The following SBK1 variants were observed in gnomAD, a reference collection of about 807,000 sequenced individuals.
SBK1 encodes the protein serine/threonine-protein kinase SBK1.
Under a neutral mutation model 24.4 loss-of-function variants are expected in SBK1, and 11 were observed. The ratio of observed to expected loss-of-function variants is 0.45; its 90% CI spans 0.28 to 0.75. The LOEUF is 0.75. Among genes scored for constraint, SBK1 ranks in the 30% least tolerant of loss-of-function variants. The pLI, the probability that SBK1 is intolerant of heterozygous loss-of-function variation, is 0.12. For missense variants in SBK1, 467 were observed against 620.5 expected, an observed-to-expected ratio of 0.75 and a Z score of 2.63; for synonymous variants, 308 against 284.4, an observed-to-expected ratio of 1.08 and a Z score of -0.83.
chr16:28,307,266 A>C (rs1007431699), intron 1 of SBK1, among the ~76,000 whole-genome samples: 1 of 152,246 alleles, frequency 6.6e-6, no homozygotes, highest in Non-Finnish European at 1.5e-5. Flanking sequence ...CCTATGACAC[A>C]GAGACTTATT....
chr16:28,305,821 A>T (rs961278210), intron 1 of SBK1, among the ~76,000 whole-genome samples: 2 of 152,180 alleles, frequency 1.3e-5, no homozygotes, highest in Non-Finnish European at 2.9e-5. Context: ...GATTACAGGC[A>T]TGAGCTACCG....
intron 1 of SBK1, among the ~76,000 whole-genome samples, chr16:28,304,098 A>C (rs999808978): frequency 6.6e-6 from 1 of 152,222 alleles, no homozygotes; most frequent in African/African-American, 2.4e-5. Context: ...CACATGGCAA[A>C]ATGACTTCTG....
rs573475142 is a variant in SBK1, at chr16:28,293,140, T to TC, written c.-160dup. On this transcript the variant is annotated 5_prime_UTR_variant, in exon 1 of 4. Transcript: ENST00000341901. ...TCTCACCAGCAAGAAGCCTCGGGGATCCCCCCCCTAAAGCTCCAGGACTTG... is the reference window on the plus strand; with the variant it reads ...TCTCACCAGCAAGAAGCCTCGGGGATCCCCCCCCCTAAAGCTCCAGGACTTG... The TC allele has an allele frequency of 1.6e-3, 1,581 of 984,060 alleles. 18 individuals are homozygous for TC. The African/African-American group carries it at 0.023, about 14-fold the overall frequency. The allele number at this position is 984,060 out of a possible 1,614,324, so 61.0% of individuals were successfully genotyped here.
At chr16:28,277,935 T>C (rs1318119185) in intron 1 of SBK1, among the ~76,000 whole-genome samples, 2 of 152,246 alleles carry the variant, frequency 1.3e-5, no homozygotes, top group Non-Finnish European at 2.9e-5. Flanking sequence ...ACAAAGTCTC[T>C]TGTTTAGCCA....
In SBK1 at chr16:28,319,981, G is replaced by A; in HGVS notation, c.430-95G>A. 2 of 1,335,636 alleles carry A rather than the reference G, an allele frequency of 1.5e-6. No homozygotes were observed. The highest frequency in any genetic ancestry group is 2.0e-6 in the Non-Finnish European group (2 of 1,021,068). 82.7% of individuals were successfully genotyped at this position (1,335,636 alleles called of 1,614,324 possible). Reference sequence around the variant, plus strand: ...AGTTACTGGGGACAGGGTGGGAGGCGAAAACCGCCTTGCTAGAGAGGGAGC... The same window carrying A: ...AGTTACTGGGGACAGGGTGGGAGGCAAAAACCGCCTTGCTAGAGAGGGAGC... On this transcript the variant is annotated intron_variant, in intron 3 of 3. Transcript: ENST00000341901. The surrounding 1 kb of genome is among the most constrained non-coding windows in gnomAD (Gnocchi z 4.0).
At chr16:28,268,775 A>G (rs1411970634) in intron 1 of SBK1, among the ~76,000 whole-genome samples, 3 of 151,978 alleles carry the variant, frequency 2.0e-5, no homozygotes, top group African/African-American at 7.2e-5. Flanking sequence ...AAAAAAAAGA[A>G]AGAAGGAAAA....
At chr16:28,263,847 G>A (rs1297792744) in intron 1 of SBK1, among the ~76,000 whole-genome samples, 1 of 152,178 alleles carries the variant, frequency 6.6e-6, no homozygotes, top group African/African-American at 2.4e-5. Context: ...TTAGGAGGCT[G>A]GGCACAGTGG....
chr16:28,314,484 T>C (rs2044778449), intron 1 of SBK1, among the ~76,000 whole-genome samples: 1 of 152,050 alleles, frequency 6.6e-6, no homozygotes, highest in South Asian at 2.1e-4. Flanking sequence ...ATCCTTTGTA[T>C]AGATGAGGAA....
At chr16:28,286,372 T>A (rs987248996) in intron 1 of SBK1, 2 of 152,136 alleles carry the variant, frequency 1.3e-5, no homozygotes, top group African/African-American at 4.8e-5. Context: ...AGACCCCTTC[T>A]GAAAAAATAA....
chr16:28,299,780 GT>G (rs1008471251), intron 1 of SBK1, among the ~76,000 whole-genome samples: 51 of 152,370 alleles, frequency 3.3e-4, no homozygotes, highest in African/African-American at 1.2e-3. Flanking sequence ...CAGGTTTGGG[GT>G]TTGGAGTGCA....
intron 1 of SBK1, among the ~76,000 whole-genome samples, chr16:28,311,281 T>C (rs945060799): frequency 2.6e-5 from 4 of 152,022 alleles, no homozygotes; most frequent in Non-Finnish European, 5.9e-5. Context: ...CCCCTGTGAA[T>C]CTTGCTGTTC....
intron 1 of SBK1, among the ~76,000 whole-genome samples, chr16:28,297,057 C>T (rs545959129): frequency 4.6e-5 from 7 of 152,178 alleles, no homozygotes; most frequent in Admixed American, 1.3e-4. Context: ...TGGTCAGGTG[C>T]GGTGGCTCAC....
chr16:28,270,631 C>A (rs1349709321), intron 1 of SBK1, among the ~76,000 whole-genome samples: 1 of 151,444 alleles, frequency 6.6e-6, no homozygotes, highest in Non-Finnish European at 1.5e-5. Context: ...ACCATGTTGC[C>A]CAGGCTGGTC....
At chr16:28,277,855 G>A (rs1006434028) in intron 1 of SBK1, among the ~76,000 whole-genome samples, 1 of 152,210 alleles carries the variant, frequency 6.6e-6, no homozygotes, top group Non-Finnish European at 1.5e-5. Flanking sequence ...CTGCACTACG[G>A]CGAAACGGCC....
At chr16:28,306,787 C>T (rs1012461336) in intron 1 of SBK1, among the ~76,000 whole-genome samples, 29 of 152,316 alleles carry the variant, frequency 1.9e-4, no homozygotes, top group Admixed American at 1.7e-3. Context: ...GTGACAAACG[C>T]TGGGTGAATA....
chr16:28,312,434 T>C (rs2044760325), intron 1 of SBK1, among the ~76,000 whole-genome samples: 1 of 152,088 alleles, frequency 6.6e-6, no homozygotes, highest in African/African-American at 2.4e-5. Flanking sequence ...TGTCGCCCCA[T>C]GTAAGCCCAG....
At chr16:28,316,054 C>G (rs2044793056) in intron 1 of SBK1, among the ~76,000 whole-genome samples, 1 of 152,146 alleles carries the variant, frequency 6.6e-6, no homozygotes, top group Non-Finnish European at 1.5e-5. Flanking sequence ...TGTGAGCCAC[C>G]ATGCCCAGCC....
At chr16:28,308,743 GTGT>G (rs1567678494) in intron 1 of SBK1, among the ~76,000 whole-genome samples, 17 of 112,170 alleles carry the variant, frequency 1.5e-4, no homozygotes, top group South Asian at 2.7e-4. Flanking sequence ...TCTTTGGGGT[GTGT>G]GTGTGTGTGT....
In SBK1 at chr16:28,320,016, G is replaced by A; in HGVS notation, c.430-60G>A. On this transcript the variant is annotated intron_variant, in intron 3 of 3. Coordinates refer to ENST00000341901, the MANE Select transcript of SBK1 (RefSeq NM_001024401.3). The surrounding 1 kb of genome is among the most constrained non-coding windows in gnomAD (Gnocchi z 8.5). The stretch of plus-strand genomic sequence containing the variant: ...TTGCTAGAGAGGGAGCTGGAGGGGA[G>A]GGCGGCGGGGCGGGCGCTGGAGAGC... 1 of 1,411,068 alleles carries A rather than the reference G, an allele frequency of 7.1e-7. No homozygotes were observed. The allele number at this position is 1,411,068 out of a possible 1,614,324, so 87.4% of individuals were successfully genotyped here.
Sources: allele counts gnomAD v4.1 joint callset (sites outside exome capture counted in the v4.1 genomes callset), GRCh38; gene constraint gnomAD v4.1.1; non-coding constraint Gnocchi (gnomAD v3.1); transcripts MANE v1.5; gene names NCBI Gene and HGNC (gene_info 2026-07-23, HGNC 2026-07-21).